GATA5: variants seen among roughly 807,000 people sequenced by gnomAD.
GATA5 encodes transcription factor GATA-5.
A neutral mutation model predicts 35.0 loss-of-function variants in GATA5; 27 were observed. That is an observed-to-expected ratio of 0.77 (90% confidence interval 0.57 to 1.06). The LOEUF (loss-of-function observed/expected upper bound fraction) is 1.06. GATA5 is among the 50% of genes least tolerant of loss of function. The pLI, the probability that GATA5 is intolerant of heterozygous loss-of-function variation, is 0.00. For missense variants in GATA5, 612 were observed against 580.0 expected (o/e 1.06, Z -0.57); for synonymous variants, 306 against 267.8 (o/e 1.14, Z -1.39).
At chr20:62,466,695 G>T in intron 3 of GATA5, 144 bp from the exon 4 acceptor site, 2 of 914,314 alleles carry the variant, frequency 2.2e-6, no homozygotes, top group Non-Finnish European at 1.6e-6. Flanking sequence ...TCGCCTGGCA[G>T]CTCTGCCTGG....
intron 3 of GATA5, among the ~76,000 whole-genome samples, chr20:62,468,761 C>A (rs760959128): frequency 6.6e-6 from 1 of 152,252 alleles, no homozygotes; most frequent in Non-Finnish European, 1.5e-5. Flanking sequence ...CTCCAGTGGT[C>A]TCTCTAGGGG....
In GATA5 at chr20:62,470,538, G is replaced by A. The variant is rs967381085; in HGVS notation, c.699+2865C>T. On this transcript the variant is annotated intron_variant, in intron 3 of 6. Transcript: ENST00000252997. The surrounding 1 kb of genome is among the most constrained non-coding windows in gnomAD (Gnocchi z 4.6). Reference sequence around the variant, plus strand: ...GGGGACGTGGGTCTGTGAAGGGCTCGAAGGAAGGAAACCCTGGGGTTGGGT... The same window carrying A: ...GGGGACGTGGGTCTGTGAAGGGCTCAAAGGAAGGAAACCCTGGGGTTGGGT... 3.9e-5 allele frequency among the ~76,000 whole-genome samples: 6 copies of A among 152,188 alleles called. No homozygotes were observed. The highest frequency in any genetic ancestry group is 4.1e-4 in the South Asian group (2 of 4,828).
intron 2 of GATA5, among the ~76,000 whole-genome samples, chr20:62,474,033 C>G (rs1235576443): frequency 6.6e-6 from 1 of 151,144 alleles, no homozygotes; most frequent in African/African-American, 2.4e-5. Context: ...CTCCTGGGAA[C>G]GCTAACCCCG....
chr20:62,465,610 G>T, intron 5 of GATA5, 146 bp from the exon 6 acceptor site: 4 of 1,184,946 alleles, frequency 3.4e-6, no homozygotes, highest in Non-Finnish European at 4.6e-6. Flanking sequence ...GGTGTGGCCG[G>T]GCGTGGCTTC....
At position 62,464,668 on chromosome 20, in the gene GATA5, C is replaced by G. The variant is rs1989531669; in HGVS notation, c.*168G>C. 1.8e-6 allele frequency: 1 copy of G among 550,036 alleles called. No individual in the cohort carries two copies. The highest frequency in any genetic ancestry group is 3.0e-6 in the Non-Finnish European group (1 of 327,956). 34.1% of individuals were successfully genotyped at this position (550,036 alleles called of 1,614,324 possible). A position where few individuals can be genotyped will look rare whatever the true frequency, so the allele number is the denominator to read the frequency against. ...GCCTTCTTGCTCTGGGGCCCGACTG[C>G]CGTCTGTCCAGAAGGCCTCCCCACC... On this transcript the variant is annotated 3_prime_UTR_variant, in exon 7 of 7. Coordinates refer to ENST00000252997, the MANE Select transcript of GATA5 (RefSeq NM_080473.5).
rs1054469510 is a variant in GATA5, at chr20:62,470,952, G to A, written c.699+2451C>T. Among the ~76,000 whole-genome samples the A allele has an allele frequency of 3.3e-5, 5 of 152,174 alleles. No homozygotes were observed. The highest frequency in any genetic ancestry group is 2.6e-4 in the Admixed American group (4 of 15,276). On this transcript the variant is annotated intron_variant, in intron 3 of 6. Transcript: ENST00000252997. The surrounding 1 kb of genome is among the most constrained non-coding windows in gnomAD (Gnocchi z 4.6). ...GGAATGGAGGCCTCATCACGCCAAG[G>A]GCCCCCATTAGCCCGTCCTCAGAGC...
rs797044371 is a variant in GATA5 at position 62,470,966 on chromosome 20, C to T, written c.699+2437G>A. On this transcript the variant is annotated intron_variant, in intron 3 of 6. Transcript: ENST00000252997. The surrounding 1 kb of genome is among the most constrained non-coding windows in gnomAD (Gnocchi z 4.6). ...ATCACGCCAAGGGCCCCCATTAGCC[C>T]GTCCTCAGAGCCAAGGCCCAAGCAC... Among the ~76,000 whole-genome samples, 1 of 152,332 alleles carries T rather than the reference C, an allele frequency of 6.6e-6. No homozygotes were observed. Among genetic ancestry groups the T allele is most frequent in the African/African-American group, 2.4e-5 (1 of 41,580 alleles).
intron 3 of GATA5, among the ~76,000 whole-genome samples, chr20:62,468,436 G>A (rs965897917): frequency 3.9e-5 from 6 of 152,382 alleles, no homozygotes; most frequent in Admixed American, 3.9e-4. Flanking sequence ...AGGCCTGAGT[G>A]GGAGAGTGGG....
Position 62,475,569 on chromosome 20 carries a change from G to A in GATA5, c.-21-27C>T, listed in dbSNP as rs78235297. 0.022 allele frequency: 27,525 copies of A among 1,228,608 alleles called. 1,309 individuals are homozygous for A. Among genetic ancestry groups the A allele is most frequent in the South Asian group, 0.18 (4,398 of 24,958 alleles). The allele number at this position is 1,228,608 out of a possible 1,614,324, so 76.1% of individuals were successfully genotyped here. ...TGCAGGGAAGAGGGACAGGTGTGGA[G>A]GTCACGGGAGCTCTGCGCCCTCCGC... On this transcript the variant is annotated intron_variant, in intron 1 of 6. Coordinates refer to ENST00000252997, the MANE Select transcript of GATA5 (RefSeq NM_080473.5).
intron 2 of GATA5, 132 bp from the exon 3 acceptor site, chr20:62,473,710 T>G: frequency 1.3e-6 from 1 of 741,638 alleles, no homozygotes; most frequent in Non-Finnish European, 2.2e-6. Flanking sequence ...GGCACAAATC[T>G]TGTGCCTTAG....
At chr20:62,475,593 G>T in intron 1 of GATA5, 51 bp from the exon 2 acceptor site, 1 of 1,154,322 alleles carries the variant, frequency 8.7e-7, no homozygotes, top group Non-Finnish European at 1.1e-6. Context: ...TGCGCCCTCC[G>T]CCAGCGCCCG....
chr20:62,464,796 T>G lies in GATA5; in HGVS notation c.*40A>C. On this transcript the variant is annotated 3_prime_UTR_variant, in exon 7 of 7. Coordinates refer to ENST00000252997, the MANE Select transcript of GATA5 (RefSeq NM_080473.5). ...CACGGAGGTGACTCAGTGGGTGGTCTGTTCCAGGCTGTTCCCCTGACATGG... is the reference window on the plus strand; with the variant it reads ...CACGGAGGTGACTCAGTGGGTGGTCGGTTCCAGGCTGTTCCCCTGACATGG... 6.6e-7 allele frequency: 1 copy of G among 1,508,368 alleles called. No individual in the cohort carries two copies. Among genetic ancestry groups the G allele is most frequent in the Non-Finnish European group, 8.9e-7 (1 of 1,125,702 alleles). The allele number at this position is 1,508,368 out of a possible 1,614,324, so 93.4% of individuals were successfully genotyped here. A position where few individuals can be genotyped will look rare whatever the true frequency, so the allele number is the denominator to read the frequency against.
Position 62,475,465 on chromosome 20 carries a change from C to G in GATA5, c.57G>C (p.Ser19=), listed in dbSNP as rs1191697780. 5 of 1,337,612 alleles carry G rather than the reference C, an allele frequency of 3.7e-6. No individual in the cohort carries two copies. Among genetic ancestry groups the G allele is most frequent in the Non-Finnish European group, 4.8e-6 (5 of 1,049,350 alleles). 82.9% of individuals were successfully genotyped at this position (1,337,612 alleles called of 1,614,324 possible). ...ASPRQAAYAD[S]GSFLHAPGAG... is the part of the protein sequence containing the mutation. ...CGCCCGGAGCGTGCAGGAAGGAGCC[C>G]GAGTCGGCGTAGGCGGCCTGGCGGG... The change falls in exon 2 of 7, where the codon TCG becomes TCC. Residue 19 remains serine, a synonymous_variant. Coordinates refer to ENST00000252997, the MANE Select transcript of GATA5 (RefSeq NM_080473.5).
intron 4 of GATA5, 87 bp from the exon 5 acceptor site, chr20:62,466,008 G>C: frequency 1.0e-6 from 1 of 968,510 alleles, no homozygotes; most frequent in Non-Finnish European, 1.6e-6. Flanking sequence ...CAGCCCCCCA[G>C]AGCCGGTCAC....
chr20:62,474,013 C>A lies in GATA5; in HGVS notation c.524-435G>T, dbSNP rs73916958. 3.9e-3 allele frequency among the ~76,000 whole-genome samples: 600 copies of A among 151,950 alleles called. 5 individuals are homozygous for A. Among genetic ancestry groups the A allele is most frequent in the African/African-American group, 0.013 (552 of 41,428 alleles). On this transcript the variant is annotated intron_variant, in intron 2 of 6. Transcript: ENST00000252997. ...TTTATCTGGCAGACACTCTTGGGCG[C>A]CCCTGGGCTCTCCTGGGAACGCTAA...
intron 2 of GATA5, 80 bp from the exon 3 acceptor site, chr20:62,473,658 T>G: frequency 1.5e-6 from 2 of 1,371,118 alleles, no homozygotes; most frequent in Non-Finnish European, 2.0e-6. Flanking sequence ...CACCCTCCCC[T>G]CCCCAGGAGC....
At position 62,466,507 on chromosome 20, in the gene GATA5, C is replaced by T. The variant is rs782435094; in HGVS notation, c.744G>A (p.Thr248=). ...RAGLCCTNCH[T]TNTTLWRRNS... ...TCCGCCGCCACAGCGTGGTGTTGGT[C>T]GTGTGGCAGTTGGTGCAGCAGAGGC... Residue 248 remains threonine (T), a synonymous_variant, in exon 4 of 7, where the codon ACG becomes ACA. Coordinates refer to ENST00000252997, the MANE Select transcript of GATA5 (RefSeq NM_080473.5). 21 of 1,565,684 alleles carry T rather than the reference C, an allele frequency of 1.3e-5. No individual in the cohort carries two copies. The highest frequency in any genetic ancestry group is 4.1e-5 in the African/African-American group (3 of 73,794).
At chr20:62,466,006 C>G (rs946079073) in intron 4 of GATA5, 85 bp from the exon 5 acceptor site, 3 of 964,546 alleles carry the variant, frequency 3.1e-6, no homozygotes, top group Non-Finnish European at 3.2e-6. Flanking sequence ...TCCAGCCCCC[C>G]AGAGCCGGTC....
At position 62,471,432 on chromosome 20, in the gene GATA5, A is replaced by ATTTTTTT. The variant is rs574764628; in HGVS notation, c.699+1964_699+1970dup. Among the ~76,000 whole-genome samples, 275 of 81,750 alleles carry ATTTTTTT rather than the reference A, an allele frequency of 3.4e-3. 45 individuals are homozygous for ATTTTTTT. Among genetic ancestry groups the ATTTTTTT allele is most frequent in the African/African-American group, 9.9e-3 (202 of 20,444 alleles). The allele number at this position is 81,750 out of a possible 152,430, so 53.6% of individuals were successfully genotyped here. A position where few individuals can be genotyped will look rare whatever the true frequency, so the allele number is the denominator to read the frequency against. On this transcript the variant is annotated intron_variant, in intron 3 of 6. Transcript: ENST00000252997. ...TAAAGAGAAGTTAATTTCAATTACA[A>ATTTTTTT]TTTTTTTTTTTTTTTTTGTGATGAG...
Sources: allele counts gnomAD v4.1 joint callset (sites outside exome capture counted in the v4.1 genomes callset), GRCh38; gene constraint gnomAD v4.1.1; non-coding constraint Gnocchi (gnomAD v3.1); transcripts MANE v1.5; gene names NCBI Gene and HGNC (gene_info 2026-07-23, HGNC 2026-07-21).